Variants in GRM7 observed in about 807,000 individuals in gnomAD.
The protein encoded by GRM7 is metabotropic glutamate receptor 7.
GRM7 carries 35 observed loss-of-function variants against 84.5 expected under a neutral mutation model. That is an observed-to-expected ratio of 0.41 (90% confidence interval 0.32 to 0.55). GRM7 has a LOEUF of 0.55. Ranked by LOEUF, GRM7 falls within the 20% of genes least tolerant of loss-of-function variation. The probability of loss-of-function intolerance (pLI) is 0.19; values close to 1 mark genes in which losing one functional copy is unlikely to be tolerated. For missense variants in GRM7, 1,003 were observed against 1,194.6 expected (o/e 0.84, Z 2.36); for synonymous variants, 487 against 455.1 (o/e 1.07, Z -0.89).
chr3:7,642,114 G>GGCTT (rs1237114608), intron 8 of GRM7, among the ~76,000 whole-genome samples: 1 of 151,942 alleles, frequency 6.6e-6, no homozygotes, highest in Non-Finnish European at 1.5e-5. Flanking sequence ...CTTAACCAAG[G>GGCTT]GCTTGCTTTT....
chr3:6,953,266 A>G (rs17694321), intron 1 of GRM7, among the ~76,000 whole-genome samples: 35,390 of 152,138 alleles, frequency 0.23, 4,284 homozygotes, highest in Non-Finnish European at 0.26. Context: ...AGGGTGCAGA[A>G]GCCACATTGT....
At chr3:6,951,493 C>G (rs1455533260) in intron 1 of GRM7, among the ~76,000 whole-genome samples, 2 of 152,096 alleles carry the variant, frequency 1.3e-5, no homozygotes, top group Non-Finnish European at 2.9e-5. Context: ...TTTTCATTAA[C>G]ATTTAGTTTA....
intron 1 of GRM7, among the ~76,000 whole-genome samples, chr3:6,957,053 C>T (rs1246163702): frequency 1.3e-5 from 2 of 152,126 alleles, no homozygotes; most frequent in Non-Finnish European, 2.9e-5. Flanking sequence ...TTATAATTTT[C>T]CCACTAGAAT....
At chr3:7,313,119 G>C (rs140136744) in intron 4 of GRM7, among the ~76,000 whole-genome samples, 1 of 151,622 alleles carries the variant, frequency 6.6e-6, no homozygotes, top group East Asian at 1.9e-4. Context: ...AGTAGAGATG[G>C]GGTTTCACCA....
chr3:6,925,417 G>A (rs1189431035), intron 1 of GRM7, among the ~76,000 whole-genome samples: 3 of 151,746 alleles, frequency 2.0e-5, no homozygotes, highest in African/African-American at 7.3e-5. Flanking sequence ...AGAAGGTTAC[G>A]TTGTTTTATC....
At chr3:7,534,169 A>G (rs1334390279) in intron 7 of GRM7, among the ~76,000 whole-genome samples, 1 of 151,964 alleles carries the variant, frequency 6.6e-6, no homozygotes, top group Non-Finnish European at 1.5e-5. Flanking sequence ...ACACACCACC[A>G]CGCCTGGCTA....
chr3:7,610,089 A>C (rs1015298262), intron 8 of GRM7, among the ~76,000 whole-genome samples: 2 of 152,180 alleles, frequency 1.3e-5, no homozygotes, highest in African/African-American at 2.4e-5. Context: ...TCATTCAACA[A>C]GTACTTTTGA....
intron 2 of GRM7, among the ~76,000 whole-genome samples, chr3:7,170,881 C>T (rs984604121): frequency 6.6e-6 from 1 of 152,182 alleles, no homozygotes; most frequent in Admixed American, 6.5e-5. Context: ...TCTTGCCATT[C>T]ATTTCCTCCT....
chr3:7,590,483 A>G (rs1695728201), intron 8 of GRM7, among the ~76,000 whole-genome samples: 1 of 152,198 alleles, frequency 6.6e-6, no homozygotes, highest in Admixed American at 6.5e-5. Context: ...CTGCAAAGCT[A>G]AAAATATTTA....
At chr3:7,259,794 T>G (rs563299189) in intron 2 of GRM7, among the ~76,000 whole-genome samples, 21 of 152,256 alleles carry the variant, frequency 1.4e-4, no homozygotes, top group Middle Eastern at 3.4e-3. Flanking sequence ...TATATTTTTT[T>G]GGGTATATAC....
At chr3:7,699,612 G>C (rs532692205) in intron 9 of GRM7, among the ~76,000 whole-genome samples, 1 of 152,042 alleles carries the variant, frequency 6.6e-6, no homozygotes, top group Non-Finnish European at 1.5e-5. Flanking sequence ...AAAAATTAGC[G>C]AATTTTTTTT....
At position 6,928,772 on chromosome 3, in the gene GRM7, A is replaced by T. The variant is rs149451159; in HGVS notation, c.519+66865A>T. On this transcript the variant is annotated intron_variant, in intron 1 of 9. Coordinates refer to ENST00000357716, the MANE Select transcript of GRM7 (RefSeq NM_000844.4). This position sits in a 1 kb window ranked among gnomAD's most constrained non-coding sequence, Gnocchi z 4.5. ...AAGGTTGTAATTGTAGCCTTCTGCT[A>T]TATTTACTGTTAGAAAATGTTCTTT... is the stretch of plus-strand genomic sequence containing the variant. Among the ~76,000 whole-genome samples the T allele has an allele frequency of 6.6e-6, 1 of 152,190 alleles. No homozygotes were observed. The highest frequency in any genetic ancestry group is 1.5e-5 in the Non-Finnish European group (1 of 68,040).
chr3:7,028,538 C>T (rs1456960577), intron 1 of GRM7, among the ~76,000 whole-genome samples: 1 of 151,994 alleles, frequency 6.6e-6, no homozygotes, highest in Non-Finnish European at 1.5e-5. Context: ...TATCCTCTTG[C>T]CTAAAACTAC....
intron 9 of GRM7, among the ~76,000 whole-genome samples, chr3:7,738,848 A>G (rs1162731815): frequency 6.6e-6 from 1 of 152,116 alleles, no homozygotes; most frequent in Non-Finnish European, 1.5e-5. Flanking sequence ...ACTGAAAATA[A>G]GATTCAGAGT....
intron 8 of GRM7, among the ~76,000 whole-genome samples, chr3:7,603,691 C>T (rs1458762105): frequency 1.3e-5 from 2 of 152,040 alleles, no homozygotes; most frequent in Non-Finnish European, 2.9e-5. Flanking sequence ...TTGTTTTCCT[C>T]CTACAGTTGT....
intron 5 of GRM7, among the ~76,000 whole-genome samples, chr3:7,415,813 A>G (rs1696136212): frequency 1.3e-5 from 2 of 152,076 alleles, no homozygotes; most frequent in African/African-American, 2.4e-5. Context: ...TCCTCCCTCT[A>G]TGTTGCCCAG....
chr3:7,386,064 AAAAAC>A (rs1305796254), intron 4 of GRM7, among the ~76,000 whole-genome samples: 1 of 152,222 alleles, frequency 6.6e-6, no homozygotes, highest in Admixed American at 6.5e-5. Flanking sequence ...GTATAAAGGA[AAAAAC>A]AAAACAAAAC....
intron 4 of GRM7, among the ~76,000 whole-genome samples, chr3:7,380,109 A>G (rs932380135): frequency 6.6e-6 from 1 of 152,186 alleles, no homozygotes; most frequent in Non-Finnish European, 1.5e-5. Flanking sequence ...TTGGCTTGAA[A>G]TATGGGAGGT....
rs12486527 is a variant in GRM7 at position 6,973,994 on chromosome 3, A to G, written c.519+112087A>G. ...CAGAGAGACCAGTTACCCAGCTCCTATAAAAAGCCAGGAGGGATATGATGG... is the reference window on the plus strand; with the variant it reads ...CAGAGAGACCAGTTACCCAGCTCCTGTAAAAAGCCAGGAGGGATATGATGG... On this transcript the variant is annotated intron_variant, in intron 1 of 9. Coordinates refer to ENST00000357716, the MANE Select transcript of GRM7 (RefSeq NM_000844.4). 5.9e-5 allele frequency among the ~76,000 whole-genome samples: 9 copies of G among 152,346 alleles called. No individual in the cohort carries two copies. The South Asian group carries it at 1.9e-3, about 32-fold the overall frequency.
Sources: gnomAD v4.1 joint callset for allele counts (sites outside exome capture counted in the v4.1 genomes callset) on GRCh38, gnomAD v4.1.1 for gene constraint, Gnocchi (gnomAD v3.1) non-coding constraint, MANE v1.5 for transcripts, NCBI Gene and HGNC (gene_info 2026-07-23, HGNC 2026-07-21) for gene names.